The following NPFFR2 variants were observed in gnomAD, a reference collection of about 807,000 sequenced individuals.
NPFFR2 encodes neuropeptide FF receptor 2.
A neutral mutation model predicts 13.1 loss-of-function variants in NPFFR2; 15 were observed. The ratio of observed to expected loss-of-function variants is 1.15; its 90% CI spans 0.77 to 1.76. NPFFR2 has a LOEUF of 1.76. Ranked by LOEUF, NPFFR2 falls within the 40% of genes most tolerant of loss-of-function variation. The pLI, the probability that NPFFR2 is intolerant of heterozygous loss-of-function variation, is 0.00. For synonymous variants in NPFFR2, 190 were observed against 175.7 expected, an observed-to-expected ratio of 1.08 and a Z score of -0.65; for missense variants, 572 against 503.5, an observed-to-expected ratio of 1.14 and a Z score of -1.30.
At chr4:72,092,701 ACC>A (rs76195749) in intron 1 of NPFFR2, among the ~76,000 whole-genome samples, 39,213 of 151,834 alleles carry the variant, frequency 0.26, 6,215 homozygotes, top group Admixed American at 0.34. Context: ...ATCTTTTTAT[ACC>A]CCTTTACCTT....
chr4:72,134,722 G>T (rs1722353510), intron 2 of NPFFR2, among the ~76,000 whole-genome samples: 1 of 152,060 alleles, frequency 6.6e-6, no homozygotes, highest in South Asian at 2.1e-4. Context: ...TTACTCTCTT[G>T]TCAATACCTT....
chr4:72,085,901 A>G (rs1485090930), intron 1 of NPFFR2, among the ~76,000 whole-genome samples: 1 of 152,136 alleles, frequency 6.6e-6, no homozygotes, highest in Non-Finnish European at 1.5e-5. Context: ...AGCAAGCCAA[A>G]ATCTAAGAAG....
chr4:72,052,569 C>G (rs184946290), intron 1 of NPFFR2, among the ~76,000 whole-genome samples: 1 of 152,108 alleles, frequency 6.6e-6, no homozygotes, highest in East Asian at 1.9e-4. Flanking sequence ...GGAAGCATTC[C>G]CTTTGAAAAC....
chr4:72,115,705 C>A (rs912664327), intron 1 of NPFFR2, among the ~76,000 whole-genome samples: 7 of 152,132 alleles, frequency 4.6e-5, no homozygotes, highest in African/African-American at 1.4e-4. Flanking sequence ...CCTAGAATTT[C>A]CTGCAGTCTT....
intron 1 of NPFFR2, among the ~76,000 whole-genome samples, chr4:72,063,917 G>A (rs1719993945): frequency 6.6e-6 from 1 of 152,204 alleles, no homozygotes; most frequent in African/African-American, 2.4e-5. Flanking sequence ...TATGTGGCTA[G>A]AGAATGATTC....
chr4:72,137,988 G>T, intron 2 of NPFFR2, 52 bp from the exon 3 acceptor site: 2 of 1,361,798 alleles, frequency 1.5e-6, no homozygotes, highest in Non-Finnish European at 2.1e-6. Context: ...TTCATTTTCA[G>T]TGAGATTTTG....
At chr4:72,086,532 A>T (rs1272882238) in intron 1 of NPFFR2, among the ~76,000 whole-genome samples, 1 of 152,148 alleles carries the variant, frequency 6.6e-6, no homozygotes, top group Non-Finnish European at 1.5e-5. Flanking sequence ...GTGAAAATTT[A>T]GTTATTAAAT....
chr4:72,116,548 C>T (rs1015485524), intron 1 of NPFFR2, among the ~76,000 whole-genome samples: 4 of 151,904 alleles, frequency 2.6e-5, no homozygotes, highest in Non-Finnish European at 5.9e-5. Flanking sequence ...AATCTGCACA[C>T]GTACCCCTGA....
chr4:72,118,389 T>C (rs1721771384), intron 1 of NPFFR2, among the ~76,000 whole-genome samples: 1 of 152,208 alleles, frequency 6.6e-6, no homozygotes, highest in Non-Finnish European at 1.5e-5. Context: ...AACAACACTA[T>C]GAAGTTTGTA....
chr4:72,085,889 A>T (rs1386558985), intron 1 of NPFFR2, among the ~76,000 whole-genome samples: 1 of 152,116 alleles, frequency 6.6e-6, no homozygotes, highest in African/African-American at 2.4e-5. Context: ...ACATATTGTC[A>T]CAGCAAGCCA....
chr4:72,032,565 T>C (rs764060436), intron 1 of NPFFR2, among the ~76,000 whole-genome samples: 1 of 152,216 alleles, frequency 6.6e-6, no homozygotes, highest in Non-Finnish European at 1.5e-5. Context: ...TTCTAAACTG[T>C]TTTTATCCGT....
At chr4:72,109,563 C>A (rs906982909) in intron 1 of NPFFR2, among the ~76,000 whole-genome samples, 4 of 152,008 alleles carry the variant, frequency 2.6e-5, no homozygotes, top group Non-Finnish European at 5.9e-5. Context: ...TGCCTGCTCA[C>A]TTCAAGAAGC....
At chr4:72,143,649 T>A (rs559625116) in intron 3 of NPFFR2, among the ~76,000 whole-genome samples, 2 of 152,264 alleles carry the variant, frequency 1.3e-5, no homozygotes, top group Non-Finnish European at 2.9e-5. Context: ...GTCGATAGAT[T>A]AAATTAGCCA....
intron 1 of NPFFR2, among the ~76,000 whole-genome samples, chr4:72,117,026 C>T (rs1721733248): frequency 6.6e-6 from 1 of 152,066 alleles, no homozygotes; most frequent in African/African-American, 2.4e-5. Flanking sequence ...ACAGAACTGG[C>T]AAGAAAAACA....
At chr4:72,131,886 G>C (rs1722253386) in intron 2 of NPFFR2, among the ~76,000 whole-genome samples, 2 of 151,804 alleles carry the variant, frequency 1.3e-5, no homozygotes. Flanking sequence ...TAAATTCAAA[G>C]GGGTATTATA....
intron 1 of NPFFR2, among the ~76,000 whole-genome samples, chr4:72,100,120 G>T (rs1210453700): frequency 1.3e-5 from 2 of 152,056 alleles, no homozygotes. Context: ...TAAACATTTT[G>T]TCCTTCAAAT....
chr4:72,108,323 T>G (rs1229277586), intron 1 of NPFFR2, among the ~76,000 whole-genome samples: 1 of 152,086 alleles, frequency 6.6e-6, no homozygotes, highest in Non-Finnish European at 1.5e-5. Context: ...ATCATTAGTC[T>G]ACCTTGTGGT....
intron 3 of NPFFR2, among the ~76,000 whole-genome samples, chr4:72,140,117 G>C (rs533120334): frequency 7.2e-5 from 11 of 152,164 alleles, no homozygotes; most frequent in African/African-American, 2.4e-4. Context: ...TGTATCCTGA[G>C]ACTTTGCTGA....
rs530927656 is a variant in NPFFR2 at position 72,127,084 on chromosome 4, C to T, written c.-7-1501C>T. Among the ~76,000 whole-genome samples, 26 of 151,714 alleles carry T rather than the reference C, an allele frequency of 1.7e-4. No individual in the cohort carries two copies. In the East Asian group the frequency reaches 4.2e-3, roughly 24 times the overall value. ...TTGGGAGGCTGAGGCAGGCAGATCACGAGGTCAGGAGATCCAGACCATCCT... is the reference window on the plus strand; with the variant it reads ...TTGGGAGGCTGAGGCAGGCAGATCATGAGGTCAGGAGATCCAGACCATCCT... On this transcript the variant is annotated intron_variant, in intron 1 of 3. Coordinates refer to ENST00000308744, the MANE Select transcript of NPFFR2 (RefSeq NM_004885.3).
Sources: gnomAD v4.1 joint callset for allele counts (sites outside exome capture counted in the v4.1 genomes callset) on GRCh38, gnomAD v4.1.1 for gene constraint, MANE v1.5 for transcripts, NCBI Gene and HGNC (gene_info 2026-07-23, HGNC 2026-07-21) for gene names.